The following CLEC20A variants were observed in gnomAD, a reference collection of about 807,000 sequenced individuals.
CLEC20A encodes C-type lectin domain containing 20A.
chr1:178,498,302 C>T (rs1361522851), upstream of CLEC20A, among the ~76,000 whole-genome samples: 1 of 152,100 alleles, frequency 6.6e-6, no homozygotes, highest in Non-Finnish European at 1.5e-5. Flanking sequence ...AAATTAAGCA[C>T]AGGACTGGGC....
At chr1:178,496,730 G>T in intron 1 of CLEC20A, 170 bp downstream of exon 1, 1 of 397,582 alleles carries the variant, frequency 2.5e-6, no homozygotes, top group South Asian at 1.4e-4. Flanking sequence ...CGATGAGGGC[G>T]AAGCTCCCTT....
In CLEC20A at chr1:178,479,911, A is replaced by G. The variant is rs180998455; in HGVS notation, c.1123-296T>C. 106 of 197,718 alleles carry G rather than the reference A, an allele frequency of 5.4e-4. 1 individual carries two copies. The East Asian group carries it at 1.0e-2, about 19-fold the overall frequency. The allele number at this position is 197,718 out of a possible 1,614,324, so 12.2% of individuals were successfully genotyped here. On this transcript the variant is annotated intron_variant, in intron 7 of 7. Coordinates refer to ENST00000623247, the Ensembl canonical transcript of CLEC20A. Reference sequence around the variant, plus strand: ...ATCACTGGAGAGTTGTTTAAAAAAAAAAAAAAAGAAAAAAAACAGAGGAGT... The same window carrying G: ...ATCACTGGAGAGTTGTTTAAAAAAAGAAAAAAAGAAAAAAAACAGAGGAGT...
In CLEC20A at chr1:178,490,439, T is replaced by TG. The variant is rs898262785; in HGVS notation, c.464-3dup. ...TCTGACCACTGATCTGGACCACAGC[T>TG]GGGGTCAAAGAATGTGGAGATCACT... On this transcript the variant is annotated splice_region_variant and splice_polypyrimidine_tract_variant and intron_variant, in intron 3 of 7. Transcript: ENST00000623247. 4 of 398,582 alleles carry TG rather than the reference T, an allele frequency of 1.0e-5. No homozygotes were observed. Among genetic ancestry groups the TG allele is most frequent in the Admixed American group, 8.8e-5 (2 of 22,720 alleles). 24.7% of individuals were successfully genotyped at this position (398,582 alleles called of 1,614,324 possible).
chr1:178,485,480 C>T (rs1188431066), intron 5 of CLEC20A, among the ~76,000 whole-genome samples: 1 of 152,224 alleles, frequency 6.6e-6, no homozygotes, highest in South Asian at 2.1e-4. Context: ...CCAGGAAGAA[C>T]TTTCTGTACT....
intron 4 of CLEC20A, among the ~76,000 whole-genome samples, chr1:178,489,651 G>C (rs888228217): frequency 6.6e-6 from 1 of 152,126 alleles, no homozygotes; most frequent in African/African-American, 2.4e-5. Context: ...TTCTCATTCA[G>C]CTCTCAAAGA....
intron 4 of CLEC20A, among the ~76,000 whole-genome samples, chr1:178,489,155 G>T (rs926800437): frequency 1.3e-5 from 2 of 152,074 alleles, no homozygotes; most frequent in Non-Finnish European, 2.9e-5. Context: ...TTGAGGTCAG[G>T]AGTTCAAGAC....
At chr1:178,497,192 G>A, upstream of CLEC20A, 1 of 385,056 alleles carries the variant, frequency 2.6e-6, no homozygotes, top group Non-Finnish European at 4.6e-6. Flanking sequence ...CCTGTGTGGG[G>A]GTTCAGAAAA....
At chr1:178,488,732 A>G (rs894891188) in intron 4 of CLEC20A, 133 bp from the exon 5 acceptor site, 3 of 396,464 alleles carry the variant, frequency 7.6e-6, no homozygotes, top group Non-Finnish European at 1.3e-5. Context: ...CAGTTATTGT[A>G]CATCTACCGT....
upstream of CLEC20A, chr1:178,496,995 C>T (rs1432068094): frequency 2.0e-5 from 8 of 399,336 alleles, no homozygotes; most frequent in African/African-American, 6.2e-5. Context: ...GACAAGACCC[C>T]GGAGCTGGCG....
chr1:178,482,167 T>G lies in CLEC20A; in HGVS notation c.1122+145A>C, dbSNP rs2102996237. 5 of 396,030 alleles carry G rather than the reference T, an allele frequency of 1.3e-5. No homozygotes were observed. The East Asian group carries it at 1.8e-4, about 14-fold the overall frequency. The allele number at this position is 396,030 out of a possible 1,614,324, so 24.5% of individuals were successfully genotyped here. A position where few individuals can be genotyped will look rare whatever the true frequency, so the allele number is the denominator to read the frequency against. On this transcript the variant is annotated intron_variant, in intron 7 of 7. Transcript: ENST00000623247. Reference sequence around the variant, plus strand: ...AAAAGATCTTGCCACATAACCAACTTGTCACCATGAGCCAAAGTGATGGCA... The same window carrying G: ...AAAAGATCTTGCCACATAACCAACTGGTCACCATGAGCCAAAGTGATGGCA...
At chr1:178,494,384 A>C (rs555054464) in intron 2 of CLEC20A, 70 bp downstream of exon 2, 18 of 399,018 alleles carry the variant, frequency 4.5e-5, no homozygotes, top group Middle Eastern at 1.3e-3. Flanking sequence ...ACACCACTGC[A>C]CTCCAGCCTG....
At chr1:178,492,588 C>T (rs567908198) in intron 2 of CLEC20A, 22 bp from the exon 3 acceptor site, 151 of 398,520 alleles carry the variant, frequency 3.8e-4, no homozygotes, top group African/African-American at 1.9e-3. Flanking sequence ...AAACAGACCA[C>T]GAGTTATGGG....
At chr1:178,485,705 T>C (rs1030380156) in intron 5 of CLEC20A, among the ~76,000 whole-genome samples, 11 of 152,330 alleles carry the variant, frequency 7.2e-5, no homozygotes, top group African/African-American at 2.6e-4. Context: ...CACAGTTCAA[T>C]GCCTTCTTCA....
At chr1:178,485,828 G>A (rs1649118934) in intron 5 of CLEC20A, among the ~76,000 whole-genome samples, 1 of 152,200 alleles carries the variant, frequency 6.6e-6, no homozygotes. Context: ...GTGAGATTCT[G>A]CAATCTCAAT....
At chr1:178,492,168 C>G (rs1317891332) in intron 3 of CLEC20A, among the ~76,000 whole-genome samples, 1 of 151,998 alleles carries the variant, frequency 6.6e-6, no homozygotes, top group Non-Finnish European at 1.5e-5. Flanking sequence ...GCCTGTAGTA[C>G]CAGCTACTCA....
intron 5 of CLEC20A, among the ~76,000 whole-genome samples, chr1:178,488,225 T>C (rs1465342994): frequency 6.6e-6 from 1 of 152,220 alleles, no homozygotes; most frequent in African/African-American, 2.4e-5. Flanking sequence ...CTGGGTCTCC[T>C]GGCCCTGGAG....
At chr1:178,483,533 G>A in intron 5 of CLEC20A, 1 of 338,810 alleles carries the variant, frequency 3.0e-6, no homozygotes, top group Non-Finnish European at 5.3e-6. Flanking sequence ...AGCAGGACCT[G>A]TGGGGCTTGG....
intron 2 of CLEC20A, among the ~76,000 whole-genome samples, chr1:178,494,059 C>T (rs1472699953): frequency 6.6e-6 from 1 of 152,144 alleles, no homozygotes; most frequent in Non-Finnish European, 1.5e-5. Flanking sequence ...TGAAAGGGTG[C>T]TTCTCTCTCT....
intron 5 of CLEC20A, among the ~76,000 whole-genome samples, chr1:178,488,005 C>T (rs1357158781): frequency 1.3e-5 from 2 of 152,236 alleles, no homozygotes; most frequent in Non-Finnish European, 2.9e-5. Flanking sequence ...TTCCCAGCCA[C>T]CTCCCCATAC....
Sources: allele counts gnomAD v4.1 joint callset (sites outside exome capture counted in the v4.1 genomes callset), GRCh38; gene constraint gnomAD v4.1.1; transcripts MANE v1.5; gene names NCBI Gene and HGNC (gene_info 2026-07-23, HGNC 2026-07-21).